The following RBKS variants were observed in gnomAD, a reference collection of about 807,000 sequenced individuals.
RBKS encodes ribokinase.
A neutral mutation model predicts 33.9 loss-of-function variants in RBKS; 33 were observed. That is an observed-to-expected ratio of 0.97 (90% confidence interval 0.74 to 1.30). The LOEUF is 1.30. Among genes scored for constraint, RBKS ranks in the 50% most tolerant of loss-of-function variants. The pLI, the probability that RBKS is intolerant of heterozygous loss-of-function variation, is 0.00. For missense variants in RBKS, 361 were observed against 392.6 expected, an observed-to-expected ratio of 0.92 and a Z score of 0.68; for synonymous variants, 125 against 143.0, an observed-to-expected ratio of 0.87 and a Z score of 0.90.
chr2:27,839,310 T>C (rs1172510162), intron 5 of RBKS, among the ~76,000 whole-genome samples: 3 of 152,240 alleles, frequency 2.0e-5, no homozygotes, highest in African/African-American at 4.8e-5. Flanking sequence ...ATCTCAATTA[T>C]TTATAATTGT....
At chr2:27,794,726 C>A (rs1007223322) in intron 7 of RBKS, among the ~76,000 whole-genome samples, 3 of 151,564 alleles carry the variant, frequency 2.0e-5, no homozygotes, top group Non-Finnish European at 4.4e-5. Context: ...CGGGTTCAAG[C>A]AATTCTCCTG....
chr2:27,871,356 A>C (rs1177501515), intron 1 of RBKS, among the ~76,000 whole-genome samples: 1 of 152,208 alleles, frequency 6.6e-6, no homozygotes, highest in Admixed American at 6.5e-5. Flanking sequence ...TGAAGGTTTC[A>C]TGGCTTCGTT....
chr2:27,801,282 A>G (rs892015860), intron 7 of RBKS, among the ~76,000 whole-genome samples: 1 of 152,032 alleles, frequency 6.6e-6, no homozygotes, highest in Non-Finnish European at 1.5e-5. Flanking sequence ...TACTTACTCC[A>G]TGTCATCAAC....
chr2:27,800,796 G>A (rs1677762991), intron 7 of RBKS, among the ~76,000 whole-genome samples: 2 of 152,194 alleles, frequency 1.3e-5, no homozygotes, highest in South Asian at 4.1e-4. Context: ...GCCAGGAAGA[G>A]GTGAAGGCCA....
At chr2:27,864,134 C>T (rs1440925968) in intron 1 of RBKS, among the ~76,000 whole-genome samples, 3 of 151,962 alleles carry the variant, frequency 2.0e-5, no homozygotes, top group Non-Finnish European at 4.4e-5. Flanking sequence ...TCAAGCAATC[C>T]TCCTGCCTTG....
At chr2:27,808,458 T>G (rs536015075) in intron 7 of RBKS, among the ~76,000 whole-genome samples, 1 of 152,354 alleles carries the variant, frequency 6.6e-6, no homozygotes, top group Admixed American at 6.5e-5. Context: ...CCCTGCCTGA[T>G]GCAGTGTGTC....
intron 1 of RBKS, among the ~76,000 whole-genome samples, chr2:27,883,200 CTTTTTTT>C (rs906350551): frequency 2.1e-5 from 3 of 140,430 alleles, no homozygotes; most frequent in Non-Finnish European, 4.7e-5. Context: ...CTGCAGTATT[CTTTTTTT>C]TTTTTTTTTT....
intron 1 of RBKS, among the ~76,000 whole-genome samples, chr2:27,859,688 G>A (rs1254673862): frequency 6.6e-6 from 1 of 152,186 alleles, no homozygotes; most frequent in Non-Finnish European, 1.5e-5. Flanking sequence ...GATAAAAAGA[G>A]GGTAGGTGTG....
intron 7 of RBKS, among the ~76,000 whole-genome samples, chr2:27,805,537 C>G (rs1429506119): frequency 6.6e-6 from 1 of 152,180 alleles, no homozygotes; most frequent in African/African-American, 2.4e-5. Flanking sequence ...TTGTAGGAAA[C>G]AGCAAGTTTG....
intron 7 of RBKS, among the ~76,000 whole-genome samples, chr2:27,793,943 G>A (rs1219493002): frequency 6.6e-6 from 1 of 152,130 alleles, no homozygotes; most frequent in Admixed American, 6.5e-5. Flanking sequence ...TAGGTGAAGA[G>A]TATATGGGGC....
chr2:27,816,892 C>T (rs999945629), intron 7 of RBKS, among the ~76,000 whole-genome samples: 11 of 152,202 alleles, frequency 7.2e-5, no homozygotes, highest in South Asian at 2.1e-4. Context: ...CCACCGCGCC[C>T]GGCCTAAGGA....
chr2:27,847,959 A>T, intron 3 of RBKS, 75 bp downstream of exon 3: 2 of 825,068 alleles, frequency 2.4e-6, no homozygotes, highest in Non-Finnish European at 4.0e-6. Context: ...ATCCTCCTCT[A>T]GATTCAATTT....
chr2:27,870,763 C>T, intron 1 of RBKS: 1 of 463,682 alleles, frequency 2.2e-6, no homozygotes, highest in South Asian at 1.5e-5. Context: ...TCTGTCCATG[C>T]ATATACTCAC....
intron 7 of RBKS, among the ~76,000 whole-genome samples, chr2:27,815,212 T>C (rs574235412): frequency 3.3e-5 from 5 of 152,122 alleles, no homozygotes; most frequent in South Asian, 2.1e-4. Context: ...TGGTTTTTTT[T>C]CCCCCCTCTT....
rs1573050723 is a variant in RBKS, at chr2:27,827,590, T to C, written c.772A>G (p.Lys258Glu). Residue 258 changes from lysine to glutamate, a missense_variant, in exon 7 of 8, where the codon AAA (lysine) becomes GAA (glutamate). Lys to Glu is a moderately conservative substitution (Grantham distance 56). Transcript: ENST00000302188. The stretch of plus-strand genomic sequence containing the variant: ...ACCGTGGTATCCACAGCCTTGACTT[T>C]CTCTGTGGGAATGTGCTTTGGCTCA... ...EPEPKHIPTEKVKAVDTTGAG... is the reference protein window; with the variant it reads ...EPEPKHIPTEEVKAVDTTGAG... 6.3e-7 allele frequency: 1 copy of C among 1,597,068 alleles called. No individual in the cohort carries two copies. The highest frequency in any genetic ancestry group is 8.5e-7 in the Non-Finnish European group (1 of 1,174,284).
intron 1 of RBKS, among the ~76,000 whole-genome samples, chr2:27,863,472 G>C (rs1414220936): frequency 6.6e-6 from 1 of 152,222 alleles, no homozygotes; most frequent in Non-Finnish European, 1.5e-5. Flanking sequence ...TTCACTGACA[G>C]GTGTTACCAG....
At chr2:27,813,748 A>G (rs1678036995) in intron 7 of RBKS, among the ~76,000 whole-genome samples, 3 of 152,156 alleles carry the variant, frequency 2.0e-5, no homozygotes, top group Non-Finnish European at 2.9e-5. Context: ...AGGCAACAAT[A>G]AGAGAAAATG....
At chr2:27,836,733 T>C (rs1424989846) in intron 5 of RBKS, among the ~76,000 whole-genome samples, 1 of 152,158 alleles carries the variant, frequency 6.6e-6, no homozygotes, top group African/African-American at 2.4e-5. Flanking sequence ...GGAGAAAATA[T>C]TTGCAAACTA....
At chr2:27,823,242 C>T (rs761033193) in intron 7 of RBKS, among the ~76,000 whole-genome samples, 9 of 152,214 alleles carry the variant, frequency 5.9e-5, no homozygotes, top group Non-Finnish European at 8.8e-5. Context: ...TCTGCAGCTA[C>T]TGCCACCATC....
Sources: gnomAD v4.1 joint callset for allele counts (sites outside exome capture counted in the v4.1 genomes callset) on GRCh38, gnomAD v4.1.1 for gene constraint, MANE v1.5 for transcripts, NCBI Gene and HGNC (gene_info 2026-07-23, HGNC 2026-07-21) for gene names.